ABCA1: variants seen among roughly 807,000 people sequenced by gnomAD.
The protein encoded by ABCA1 is phospholipid-transporting ATPase ABCA1.
Under a neutral mutation model 262.5 loss-of-function variants are expected in ABCA1, and 133 were observed. That is an observed-to-expected ratio of 0.51 (90% CI 0.44 to 0.59). The LOEUF (loss-of-function observed/expected upper bound fraction) is 0.59, where lower values mean the gene tolerates loss of function less well. ABCA1 is among the 20% of genes least tolerant of loss of function. The pLI is 0.00. For missense variants in ABCA1, 2,452 were observed against 2,777.5 expected (o/e 0.88, Z 2.63); for synonymous variants, 1,022 against 1,043.5 (o/e 0.98, Z 0.40).
chr9:104,873,831 T>C (rs141841191), intron 5 of ABCA1, among the ~76,000 whole-genome samples: 8 of 152,328 alleles, frequency 5.3e-5, no homozygotes, highest in Non-Finnish European at 1.2e-4. Flanking sequence ...GTACTATTGT[T>C]ATTCCATTTG....
At chr9:104,808,628 T>C (rs1476986286) in intron 30 of ABCA1, among the ~76,000 whole-genome samples, 1 of 152,238 alleles carries the variant, frequency 6.6e-6, no homozygotes, top group Non-Finnish European at 1.5e-5. Context: ...AAATCTGCTC[T>C]AGAACCTTGT....
At chr9:104,867,023 AAATT>A (rs1298857097) in intron 5 of ABCA1, among the ~76,000 whole-genome samples, 1 of 152,272 alleles carries the variant, frequency 6.6e-6, no homozygotes, top group African/African-American at 2.4e-5. Flanking sequence ...ATGAGTGAAT[AAATT>A]AATGACCTGA....
intron 34 of ABCA1, among the ~76,000 whole-genome samples, chr9:104,801,447 C>G (rs1830328771): frequency 6.6e-6 from 1 of 152,030 alleles, no homozygotes; most frequent in African/African-American, 2.4e-5. Flanking sequence ...GTCTCAAACT[C>G]CTGACCTTGT....
chr9:104,918,613 T>C (rs1270074002), intron 1 of ABCA1, among the ~76,000 whole-genome samples: 1 of 152,210 alleles, frequency 6.6e-6, no homozygotes. Flanking sequence ...AATATAAATA[T>C]GTATTGTTGT....
chr9:104,816,874 A>G (rs891530807), intron 24 of ABCA1, among the ~76,000 whole-genome samples: 1 of 152,208 alleles, frequency 6.6e-6, no homozygotes, highest in Admixed American at 6.5e-5. Context: ...AGGACTAGGC[A>G]GAGATAGCAA....
Position 104,782,891 on chromosome 9 carries a change from C to G in ABCA1, c.*1424G>C, listed in dbSNP as rs1828629070. The G allele has an allele frequency of 6.6e-6, 1 of 150,792 alleles. No individual in the cohort carries two copies. Among genetic ancestry groups the G allele is most frequent in the African/African-American group, 2.4e-5 (1 of 40,834 alleles). 9.3% of individuals were successfully genotyped at this position (150,792 alleles called of 1,614,324 possible). On this transcript the variant is annotated 3_prime_UTR_variant, in exon 50 of 50. Coordinates refer to ENST00000374736, the MANE Select transcript of ABCA1 (RefSeq NM_005502.4). Reference sequence around the variant, plus strand: ...GGCTGCCCAGTATTGTTACAGTGGGCTCCTACAACCACAAGACAACCTATA... The same window carrying G: ...GGCTGCCCAGTATTGTTACAGTGGGGTCCTACAACCACAAGACAACCTATA...
chr9:104,917,584 T>C (rs548843326), intron 1 of ABCA1, among the ~76,000 whole-genome samples: 288 of 151,592 alleles, frequency 1.9e-3, no homozygotes, highest in African/African-American at 6.7e-3. Flanking sequence ...ACGAACCCCA[T>C]CTCTGCTAAA....
At chr9:104,873,406 G>A (rs1309641432) in intron 5 of ABCA1, among the ~76,000 whole-genome samples, 2 of 152,154 alleles carry the variant, frequency 1.3e-5, no homozygotes, top group African/African-American at 4.8e-5. Flanking sequence ...CTTTCTAGAT[G>A]GGCCTTGGGA....
intron 5 of ABCA1, among the ~76,000 whole-genome samples, chr9:104,870,057 T>C (rs1408558081): frequency 6.6e-6 from 1 of 152,214 alleles, no homozygotes; most frequent in Non-Finnish European, 1.5e-5. Flanking sequence ...CTGTGAAGAA[T>C]TCCCAAGAGA....
chr9:104,826,520 T>G (rs1236968366), intron 16 of ABCA1, among the ~76,000 whole-genome samples: 2 of 152,240 alleles, frequency 1.3e-5, no homozygotes, highest in Admixed American at 6.5e-5. Flanking sequence ...AACACCATAC[T>G]GGACACAAGG....
At chr9:104,831,582 C>A (rs1294399125) in intron 13 of ABCA1, 40 bp downstream of exon 13, 4 of 1,555,392 alleles carry the variant, frequency 2.6e-6, no homozygotes, top group Non-Finnish European at 3.5e-6. Context: ...GTGCTCTGGA[C>A]CTCCCCAAGA....
At chr9:104,884,103 C>T (rs1451288084) in intron 4 of ABCA1, among the ~76,000 whole-genome samples, 1 of 152,250 alleles carries the variant, frequency 6.6e-6, no homozygotes, top group Admixed American at 6.5e-5. Flanking sequence ...AGCCCCTACC[C>T]TCTAGCTCCT....
chr9:104,879,700 T>C (rs1334935763), intron 5 of ABCA1, among the ~76,000 whole-genome samples: 1 of 152,232 alleles, frequency 6.6e-6, no homozygotes, highest in African/African-American at 2.4e-5. Flanking sequence ...ACATGGAATA[T>C]GAGTCAACAA....
intron 44 of ABCA1, 33 bp downstream of exon 44, chr9:104,790,889 T>C: frequency 7.1e-7 from 1 of 1,415,568 alleles, no homozygotes; most frequent in Non-Finnish European, 1.0e-6. Flanking sequence ...AACAAAGTCT[T>C]TGCAGCAAAA....
chr9:104,840,935 C>T (rs548586802), intron 8 of ABCA1, among the ~76,000 whole-genome samples: 3 of 152,132 alleles, frequency 2.0e-5, no homozygotes, highest in African/African-American at 7.2e-5. Flanking sequence ...TAAAAGAATG[C>T]TTTCTCTGAA....
chr9:104,884,928 G>A (rs1839019093), intron 3 of ABCA1, among the ~76,000 whole-genome samples: 1 of 152,188 alleles, frequency 6.6e-6, no homozygotes, highest in Non-Finnish European at 1.5e-5. Context: ...CATACTCTAA[G>A]GAGGTAACTA....
intron 5 of ABCA1, among the ~76,000 whole-genome samples, chr9:104,871,999 C>T (rs1468585398): frequency 6.6e-6 from 1 of 152,084 alleles, no homozygotes; most frequent in Non-Finnish European, 1.5e-5. Context: ...CTTCCTAAGG[C>T]TGGTCTAGGG....
chr9:104,811,287 A>T (rs1483633366), intron 28 of ABCA1, among the ~76,000 whole-genome samples: 1 of 152,242 alleles, frequency 6.6e-6, no homozygotes, highest in East Asian at 1.9e-4. Context: ...CCATGAACCC[A>T]GGACCAGGAG....
At chr9:104,842,111 G>A (rs1834430576) in intron 8 of ABCA1, among the ~76,000 whole-genome samples, 1 of 152,144 alleles carries the variant, frequency 6.6e-6, no homozygotes. Context: ...GCACTCTCTA[G>A]GTCCTAAGCT....
Sources: allele counts gnomAD v4.1 joint callset (sites outside exome capture counted in the v4.1 genomes callset), GRCh38; gene constraint gnomAD v4.1.1; transcripts MANE v1.5; gene names NCBI Gene and HGNC (gene_info 2026-07-23, HGNC 2026-07-21).